Variants in THSD4 observed in about 807,000 individuals in gnomAD.
THSD4 encodes thrombospondin type-1 domain-containing protein 4.
THSD4 carries 69 observed loss-of-function variants against 119.0 expected under a neutral mutation model. The ratio of observed to expected loss-of-function variants is 0.58; its 90% CI spans 0.48 to 0.71. The LOEUF (loss-of-function observed/expected upper bound fraction) is 0.71. Among genes scored for constraint, THSD4 ranks in the 30% least tolerant of loss-of-function variants. The pLI is 0.00. For missense variants in THSD4, 1,393 were observed against 1,391.1 expected (o/e 1.00, Z -0.02); for synonymous variants, 524 against 540.4 (o/e 0.97, Z 0.42).
chr15:71,739,309 C>T (rs1403416051), intron 11 of THSD4, among the ~76,000 whole-genome samples: 2 of 152,054 alleles, frequency 1.3e-5, no homozygotes, highest in African/African-American at 4.8e-5. Context: ...GTCCACACAC[C>T]GGAGGAAGCA....
chr15:71,726,518 C>T (rs1394401466), intron 8 of THSD4, among the ~76,000 whole-genome samples: 2 of 152,198 alleles, frequency 1.3e-5, no homozygotes, highest in Non-Finnish European at 2.9e-5. Context: ...ATATTGTTCA[C>T]ACCACTTTTG....
chr15:71,367,041 C>A (rs1336854957), intron 6 of THSD4, among the ~76,000 whole-genome samples: 1 of 152,144 alleles, frequency 6.6e-6, no homozygotes, highest in South Asian at 2.1e-4. Flanking sequence ...ATTCAAGAGT[C>A]GTTAGTGAGT....
intron 7 of THSD4, among the ~76,000 whole-genome samples, chr15:71,643,976 A>T (rs1221816269): frequency 6.6e-6 from 1 of 152,232 alleles, no homozygotes; most frequent in African/African-American, 2.4e-5. Flanking sequence ...AGTATATATG[A>T]TGTTTATCAC....
intron 6 of THSD4, among the ~76,000 whole-genome samples, chr15:71,375,227 G>A (rs2140441909): frequency 6.6e-6 from 1 of 152,364 alleles, no homozygotes. Flanking sequence ...ATGGAGAGAT[G>A]AGGCAGAGTA....
chr15:71,326,860 G>A (rs952495058), intron 6 of THSD4, among the ~76,000 whole-genome samples: 11 of 149,204 alleles, frequency 7.4e-5, no homozygotes, highest in Non-Finnish European at 1.3e-4. Flanking sequence ...ATGCCAGAGC[G>A]AGACCCTGTC....
intron 7 of THSD4, among the ~76,000 whole-genome samples, chr15:71,465,938 G>A (rs2047493303): frequency 6.6e-6 from 1 of 152,188 alleles, no homozygotes; most frequent in South Asian, 2.1e-4. Context: ...AGAAGGCCAA[G>A]GATGAAATTG....
At chr15:71,403,024 T>C (rs1361480756) in intron 6 of THSD4, among the ~76,000 whole-genome samples, 1 of 152,186 alleles carries the variant, frequency 6.6e-6, no homozygotes, top group Admixed American at 6.5e-5. Flanking sequence ...TCAAAATGTA[T>C]TGGGTATTCT....
At position 71,506,639 on chromosome 15, in the gene THSD4, A is replaced by C. The variant is rs537002673; in HGVS notation, c.1152+94816A>C. Among the ~76,000 whole-genome samples the C allele has an allele frequency of 1.7e-3, 257 of 152,344 alleles. 2 individuals carry two copies. The highest frequency in any genetic ancestry group is 5.7e-3 in the African/African-American group (238 of 41,590). On this transcript the variant is annotated intron_variant, in intron 7 of 17. Transcript: ENST00000261862. ...GTAATTCACACAAAACAACACGTTA[A>C]ACTTTCAACTTGCGTAAAGGATCAG...
Position 71,701,039 on chromosome 15 carries a change from A to G in THSD4, c.1358-27510A>G, listed in dbSNP as rs375154850. Among the ~76,000 whole-genome samples the G allele has an allele frequency of 5.9e-5, 9 of 152,294 alleles. No individual in the cohort carries two copies. In the East Asian group the frequency reaches 9.6e-4, roughly 16 times the overall value. On this transcript the variant is annotated intron_variant, in intron 8 of 17. Coordinates refer to ENST00000261862, the MANE Select transcript of THSD4 (RefSeq NM_024817.3). ...TAAAAAGGTTTACAAATCTGATTTA[A>G]TAAGAATTGGGGGCTTCTCTATGTC...
At chr15:71,202,787 G>A (rs1023813253) in intron 3 of THSD4, among the ~76,000 whole-genome samples, 5 of 152,024 alleles carry the variant, frequency 3.3e-5, no homozygotes, top group Non-Finnish European at 2.9e-5. Flanking sequence ...TGGTGGTTGC[G>A]GGGAGGGGGT....
Position 71,365,215 on chromosome 15 carries a change from C to A in THSD4, c.1016-46472C>A, listed in dbSNP as rs1239615488. Reference sequence around the variant, plus strand: ...GAAGAGAGAGGGCAAGCCAATGACCCATGTGATTGGGTGTGTAGTGACTAA... The same window carrying A: ...GAAGAGAGAGGGCAAGCCAATGACCAATGTGATTGGGTGTGTAGTGACTAA... On this transcript the variant is annotated intron_variant, in intron 6 of 17. Transcript: ENST00000261862. 2.7e-5 allele frequency among the ~76,000 whole-genome samples: 4 copies of A among 148,976 alleles called. No homozygotes were observed. The South Asian group carries it at 8.6e-4, about 32-fold the overall frequency.
chr15:71,772,050 G>T (rs747344156), intron 17 of THSD4, among the ~76,000 whole-genome samples: 2 of 152,180 alleles, frequency 1.3e-5, no homozygotes, highest in Admixed American at 6.5e-5. Flanking sequence ...TGCACCCCCA[G>T]GTATAGTCAG....
chr15:71,428,976 T>G (rs6494927), intron 7 of THSD4, among the ~76,000 whole-genome samples: 1 of 152,002 alleles, frequency 6.6e-6, no homozygotes, highest in African/African-American at 2.4e-5. Flanking sequence ...TTTACATTTG[T>G]ATGGTATCGC....
intron 10 of THSD4, among the ~76,000 whole-genome samples, 176 bp from the exon 11 acceptor site, chr15:71,737,556 T>C (rs2053137337): frequency 6.6e-6 from 1 of 152,254 alleles, no homozygotes; most frequent in Non-Finnish European, 1.5e-5. Context: ...CAAAAGTGCT[T>C]TGCATGTGAG....
intron 7 of THSD4, chr15:71,547,337 C>T: frequency 6.5e-7 from 1 of 1,543,004 alleles, no homozygotes; most frequent in Non-Finnish European, 8.7e-7. Flanking sequence ...TCCCGAGACA[C>T]AAGTGCATCT....
intron 7 of THSD4, among the ~76,000 whole-genome samples, chr15:71,468,995 G>A (rs374732358): frequency 2.6e-5 from 4 of 152,168 alleles, no homozygotes; most frequent in African/African-American, 9.7e-5. Flanking sequence ...TCTGAAACCT[G>A]GTGGTTCTCT....
At chr15:71,498,259 A>T (rs1419387630) in intron 7 of THSD4, among the ~76,000 whole-genome samples, 1 of 152,198 alleles carries the variant, frequency 6.6e-6, no homozygotes, top group Non-Finnish European at 1.5e-5. Flanking sequence ...GGAACAACTC[A>T]TGCCTCTTGA....
At chr15:71,513,747 C>T (rs2048315239) in intron 7 of THSD4, among the ~76,000 whole-genome samples, 1 of 152,166 alleles carries the variant, frequency 6.6e-6, no homozygotes, top group South Asian at 2.1e-4. Context: ...ATTAGCAGCT[C>T]TATTCGTAGT....
At position 71,781,488 on chromosome 15, in the gene THSD4, A is replaced by G. The variant is rs1172298260; in HGVS notation, c.*4114A>G. 1 of 152,348 alleles carries G rather than the reference A, an allele frequency of 6.6e-6. No individual in the cohort carries two copies. The highest frequency in any genetic ancestry group is 1.5e-5 in the Non-Finnish European group (1 of 68,146). The allele number at this position is 152,348 out of a possible 1,614,324, so 9.4% of individuals were successfully genotyped here. On this transcript the variant is annotated 3_prime_UTR_variant, in exon 18 of 18. Transcript: ENST00000261862. Reference sequence around the variant, plus strand: ...TTTGCCGGAACCATACTTTAAGAAGAAAACCGATCATCTATAATAACATCA... The same window carrying G: ...TTTGCCGGAACCATACTTTAAGAAGGAAACCGATCATCTATAATAACATCA...
Sources: gnomAD v4.1 joint callset for allele counts (sites outside exome capture counted in the v4.1 genomes callset) on GRCh38, gnomAD v4.1.1 for gene constraint, MANE v1.5 for transcripts, NCBI Gene and HGNC (gene_info 2026-07-23, HGNC 2026-07-21) for gene names.